The following NRXN3 variants were observed in gnomAD, a reference collection of about 807,000 sequenced individuals.
NRXN3 encodes neurexin 3, also known as neurexin III.
NRXN3 carries 32 observed loss-of-function variants against 137.6 expected under a neutral mutation model. That is an observed-to-expected ratio of 0.23 (90% CI 0.18 to 0.31). The LOEUF is 0.31. NRXN3 is among the 10% of genes least tolerant of loss of function. The pLI, the probability that NRXN3 is intolerant of heterozygous loss-of-function variation, is 1.00. For synonymous variants in NRXN3, 798 were observed against 784.5 expected (o/e 1.02, Z -0.29); for missense variants, 1,574 against 2,062.5 (o/e 0.76, Z 4.59).
At chr14:79,502,684 C>T (rs2096837593) in intron 16 of NRXN3, among the ~76,000 whole-genome samples, 1 of 152,052 alleles carries the variant, frequency 6.6e-6, no homozygotes, top group African/African-American at 2.4e-5. Flanking sequence ...TGTCTGCCTC[C>T]TTTCTCCTAA....
chr14:78,741,309 A>T (rs1041542674), intron 8 of NRXN3, among the ~76,000 whole-genome samples: 1 of 152,118 alleles, frequency 6.6e-6, no homozygotes, highest in African/African-American at 2.4e-5. Flanking sequence ...GGGAGATATG[A>T]TGGAAGCGAA....
At chr14:78,796,673 C>T (rs1047388411) in intron 8 of NRXN3, among the ~76,000 whole-genome samples, 7 of 152,150 alleles carry the variant, frequency 4.6e-5, no homozygotes, top group Non-Finnish European at 1.0e-4. Context: ...TGCAAGGCTA[C>T]ACAACTCAGA....
chr14:78,640,752 T>A (rs1166903756), intron 4 of NRXN3, among the ~76,000 whole-genome samples: 1 of 152,232 alleles, frequency 6.6e-6, no homozygotes, highest in African/African-American at 2.4e-5. Flanking sequence ...TAGTGTTTAA[T>A]CAATTGGACA....
intron 10 of NRXN3, 46 bp downstream of exon 10, chr14:78,810,390 CAA>C (rs746793441): frequency 2.1e-5 from 17 of 820,470 alleles, no homozygotes; most frequent in Non-Finnish European, 2.4e-5. Context: ...AAAAAAAAAA[CAA>C]AACTGACTTT....
intron 16 of NRXN3, among the ~76,000 whole-genome samples, chr14:79,543,343 C>T (rs2097291300): frequency 6.6e-6 from 1 of 152,200 alleles, no homozygotes; most frequent in Non-Finnish European, 1.5e-5. Flanking sequence ...CACACAGTGT[C>T]TTCTACCATT....
At chr14:79,171,836 C>T (rs2061811982) in intron 15 of NRXN3, among the ~76,000 whole-genome samples, 1 of 150,940 alleles carries the variant, frequency 6.6e-6, no homozygotes, top group Admixed American at 6.6e-5. Context: ...TTTTCTTTCC[C>T]ATTAGTAAAA....
At chr14:79,227,694 T>A (rs2071204290) in intron 15 of NRXN3, among the ~76,000 whole-genome samples, 1 of 151,982 alleles carries the variant, frequency 6.6e-6, no homozygotes, top group African/African-American at 2.4e-5. Flanking sequence ...TGCTTTCTTT[T>A]CTCTCTCTTT....
At chr14:79,416,386 G>A (rs1311170900) in intron 15 of NRXN3, among the ~76,000 whole-genome samples, 3 of 151,984 alleles carry the variant, frequency 2.0e-5, no homozygotes, top group African/African-American at 7.2e-5. Flanking sequence ...TTAAAATATT[G>A]TAACATTTTC....
At chr14:79,503,543 T>G (rs1173891024) in intron 16 of NRXN3, among the ~76,000 whole-genome samples, 1 of 152,116 alleles carries the variant, frequency 6.6e-6, no homozygotes, top group East Asian at 1.9e-4. Flanking sequence ...TTTAGATTAG[T>G]CTTTTAAGAC....
chr14:78,272,249 G>A (rs1334983188), intron 2 of NRXN3, among the ~76,000 whole-genome samples: 2 of 152,104 alleles, frequency 1.3e-5, no homozygotes, highest in East Asian at 1.9e-4. Context: ...TTTATGTGAC[G>A]CCCCAGCCTG....
intron 16 of NRXN3, among the ~76,000 whole-genome samples, chr14:79,564,337 T>G (rs182275771): frequency 3.2e-4 from 49 of 152,174 alleles, no homozygotes; most frequent in African/African-American, 1.0e-3. Context: ...TAGCTGACAA[T>G]GAAGGTCTAT....
chr14:79,354,188 G>A (rs765187572), intron 15 of NRXN3, among the ~76,000 whole-genome samples: 8 of 152,088 alleles, frequency 5.3e-5, no homozygotes, highest in Non-Finnish European at 1.2e-4. Flanking sequence ...ATAAATAATA[G>A]AAGTCCCTTT....
At chr14:78,988,295 A>T (rs2099511280) in intron 15 of NRXN3, 154 bp downstream of exon 15, 1 of 890,680 alleles carries the variant, frequency 1.1e-6, no homozygotes, top group African/African-American at 1.7e-5. Context: ...TAGTGCTCTT[A>T]TGAGAAGAGT....
At chr14:78,840,922 T>G (rs76890894) in intron 10 of NRXN3, among the ~76,000 whole-genome samples, 9,447 of 152,250 alleles carry the variant, frequency 0.062, 443 homozygotes, top group South Asian at 0.15. Context: ...ATCAAATGCT[T>G]TGTTAAGCAA....
At chr14:78,892,099 C>G (rs1014531406) in intron 10 of NRXN3, among the ~76,000 whole-genome samples, 1 of 151,820 alleles carries the variant, frequency 6.6e-6, no homozygotes, top group Non-Finnish European at 1.5e-5. Context: ...TGCTTGTGCC[C>G]CACCATACAC....
chr14:79,069,379 A>G (rs114939447), intron 15 of NRXN3, among the ~76,000 whole-genome samples: 24 of 152,190 alleles, frequency 1.6e-4, no homozygotes, highest in African/African-American at 5.8e-4. Flanking sequence ...TAATTCAATA[A>G]CTATTTGCTG....
At chr14:79,645,712 C>G (rs1672500355) in intron 16 of NRXN3, among the ~76,000 whole-genome samples, 1 of 134,360 alleles carries the variant, frequency 7.4e-6, no homozygotes, top group South Asian at 2.3e-4. Flanking sequence ...AAAGAAGTGG[C>G]TAGACTAATC....
rs146647958 is a variant in NRXN3, at chr14:78,213,839, A to G, written c.-703-28552A>G. ...AGCGAGAGGGGAGGGAGAGCAAAAC[A>G]TATTTTTCCAGACCCGGGGACAGCT... On this transcript the variant is annotated intron_variant, in intron 1 of 20. Transcript: ENST00000335750. 1.6e-3 allele frequency among the ~76,000 whole-genome samples: 238 copies of G among 152,280 alleles called. 2 individuals are homozygous for G. The highest frequency in any genetic ancestry group is 5.5e-3 in the African/African-American group (230 of 41,556).
Position 78,645,233 on chromosome 14 carries a change from C to A in NRXN3, c.871C>A (p.Gln291Lys). ...DEITLSFKTW[Q>K]RNGLILHTGK... The stretch of plus-strand genomic sequence containing the variant: ...AATCACCCTCTCCTTTAAGACCTGG[C>A]AGCGTAACGGCCTCATCCTGCACAC... The change falls in exon 5 of 21, where the codon CAG (glutamine) becomes AAG (lysine). Residue 291 changes from glutamine (Q) to lysine (K), a missense_variant. Gln to Lys is a moderately conservative substitution (Grantham distance 53, BLOSUM62 1). Around this residue, in one of 5 missense-constraint regions of NRXN3, gnomAD observed 400 missense variants for 527.3 expected, o/e 0.76. Transcript: ENST00000335750. The A allele has an allele frequency of 1.3e-6, 2 of 1,598,714 alleles. No individual in the cohort carries two copies. Among genetic ancestry groups the A allele is most frequent in the Non-Finnish European group, 1.7e-6 (2 of 1,179,746 alleles).
Sources: allele counts gnomAD v4.1 joint callset (sites outside exome capture counted in the v4.1 genomes callset), GRCh38; gene constraint gnomAD v4.1.1; regional missense constraint gnomAD v4.1.1; transcripts MANE v1.5; gene names NCBI Gene and HGNC (gene_info 2026-07-23, HGNC 2026-07-21).